RELN: variants seen among roughly 807,000 people sequenced by gnomAD.
The protein encoded by RELN is reelin.
Under a neutral mutation model 427.6 loss-of-function variants are expected in RELN, and 108 were observed. The observed-to-expected ratio is 0.25, with a 90% CI of 0.22 to 0.30. RELN has a LOEUF of 0.30. Ranked by LOEUF, RELN falls within the 10% of genes least tolerant of loss-of-function variation. The probability of loss-of-function intolerance (pLI) is 1.00; values close to 1 mark genes in which losing one functional copy is unlikely to be tolerated. For synonymous variants in RELN, 1,524 were observed against 1,513.4 expected, an observed-to-expected ratio of 1.01 and a Z score of -0.16; for missense variants, 3,715 against 4,302.8, an observed-to-expected ratio of 0.86 and a Z score of 3.82.
chr7:103,934,270 T>C (rs1419090021), intron 1 of RELN, among the ~76,000 whole-genome samples: 1 of 152,182 alleles, frequency 6.6e-6, no homozygotes, highest in East Asian at 1.9e-4. Context: ...AAAATCTCTT[T>C]TTTGTTTTTC....
At chr7:103,554,454 C>T (rs1451397211) in intron 38 of RELN, among the ~76,000 whole-genome samples, 1 of 150,160 alleles carries the variant, frequency 6.7e-6, no homozygotes, top group Non-Finnish European at 1.5e-5. Flanking sequence ...GCCTGTAGTC[C>T]CAGCTATTCA....
At position 103,988,024 on chromosome 7, in the gene RELN, G is replaced by A. The variant is rs1797140061; in HGVS notation, c.226+1107C>T. 6.6e-6 allele frequency among the ~76,000 whole-genome samples: 1 copy of A among 152,088 alleles called. No individual in the cohort carries two copies. Among genetic ancestry groups the A allele is most frequent in the African/African-American group, 2.4e-5 (1 of 41,394 alleles). On this transcript the variant is annotated intron_variant, in intron 1 of 64. Coordinates refer to ENST00000428762, the MANE Select transcript of RELN (RefSeq NM_005045.4). The surrounding 1 kb of genome is among the most constrained non-coding windows in gnomAD (Gnocchi z 4.9). Reference sequence around the variant, plus strand: ...TGTCTATCTTAAGTGCTAGCACCCCGTAGATTATCTCCCGCCATGCCAATG... The same window carrying A: ...TGTCTATCTTAAGTGCTAGCACCCCATAGATTATCTCCCGCCATGCCAATG...
chr7:103,541,293 C>T (rs1316303886), intron 43 of RELN, among the ~76,000 whole-genome samples: 1 of 152,134 alleles, frequency 6.6e-6, no homozygotes, highest in African/African-American at 2.4e-5. Flanking sequence ...GGTCTGGCCA[C>T]GATGCTAGCT....
chr7:103,860,006 A>C (rs1326599422), intron 2 of RELN, among the ~76,000 whole-genome samples: 2 of 152,172 alleles, frequency 1.3e-5, no homozygotes, highest in African/African-American at 4.8e-5. Flanking sequence ...TAAACCATTA[A>C]GCTCTATCCT....
intron 1 of RELN, among the ~76,000 whole-genome samples, chr7:103,950,134 G>A (rs997758353): frequency 9.9e-5 from 15 of 152,264 alleles, no homozygotes; most frequent in Non-Finnish European, 1.0e-4. Context: ...TAACATGATG[G>A]AAGGGCTAGT....
intron 2 of RELN, among the ~76,000 whole-genome samples, chr7:103,909,779 A>C: frequency 1.4e-5 from 1 of 73,396 alleles, no homozygotes; most frequent in East Asian, 3.1e-4. Flanking sequence ...TAATATATAT[A>C]AATATATATA....
intron 21 of RELN, among the ~76,000 whole-genome samples, chr7:103,611,240 T>A (rs969877339): frequency 6.6e-6 from 1 of 152,180 alleles, no homozygotes; most frequent in African/African-American, 2.4e-5. Flanking sequence ...AGACAAGAAA[T>A]ACCACATTCT....
At chr7:103,876,894 C>T (rs916370515) in intron 2 of RELN, among the ~76,000 whole-genome samples, 1 of 151,684 alleles carries the variant, frequency 6.6e-6, no homozygotes, top group Non-Finnish European at 1.5e-5. Flanking sequence ...TAGAGAAAAT[C>T]TAACTCAAGG....
rs141342243 is a variant in RELN at position 103,671,116 on chromosome 7, C to A, written c.1290-9589G>T. Among the ~76,000 whole-genome samples the A allele has an allele frequency of 8.2e-4, 125 of 152,218 alleles. 2 individuals are homozygous for A. The East Asian group carries it at 0.023, about 28-fold the overall frequency. The stretch of plus-strand genomic sequence containing the variant: ...ATGTGCCATAGGTGAAGACCTTCCA[C>A]ATTCATTTATATTCATGAGGTTTAT... On this transcript the variant is annotated intron_variant, in intron 11 of 64. Transcript: ENST00000428762.
At chr7:103,914,703 TG>T (rs1795446109) in intron 2 of RELN, among the ~76,000 whole-genome samples, 1 of 152,114 alleles carries the variant, frequency 6.6e-6, no homozygotes, top group Non-Finnish European at 1.5e-5. Context: ...TTAAACGACT[TG>T]GCTGAGGCAC....
At chr7:103,841,675 C>T (rs180779551) in intron 2 of RELN, among the ~76,000 whole-genome samples, 9 of 152,192 alleles carry the variant, frequency 5.9e-5, no homozygotes, top group East Asian at 3.9e-4. Context: ...GTCTTCAAAA[C>T]GGTAACTAGA....
chr7:103,936,332 A>G (rs555408288), intron 1 of RELN, among the ~76,000 whole-genome samples: 9 of 152,192 alleles, frequency 5.9e-5, no homozygotes, highest in Admixed American at 3.3e-4. Context: ...ACCTCAAGTG[A>G]TCTGCCTGTC....
intron 19 of RELN, among the ~76,000 whole-genome samples, chr7:103,633,059 T>A (rs1324185058): frequency 6.6e-6 from 1 of 152,120 alleles, no homozygotes; most frequent in Non-Finnish European, 1.5e-5. Flanking sequence ...ATTAAAAGAC[T>A]AACTTAGATA....
chr7:103,857,565 CCTT>C (rs1293005503), intron 2 of RELN, among the ~76,000 whole-genome samples: 3 of 152,204 alleles, frequency 2.0e-5, no homozygotes, highest in Non-Finnish European at 2.9e-5. Flanking sequence ...TGCGAATTCA[CCTT>C]CTAATTTGCA....
intron 5 of RELN, among the ~76,000 whole-genome samples, chr7:103,751,197 T>C (rs186767732): frequency 3.9e-5 from 6 of 152,348 alleles, no homozygotes; most frequent in Non-Finnish European, 7.3e-5. Flanking sequence ...AGACTGTCTT[T>C]TGGAAAAATT....
At chr7:103,767,467 C>A (rs1028256210) in intron 4 of RELN, among the ~76,000 whole-genome samples, 1 of 152,066 alleles carries the variant, frequency 6.6e-6, no homozygotes, top group African/African-American at 2.4e-5. Context: ...AGATAAGGAA[C>A]CTATAGTTAC....
At chr7:103,956,633 G>T (rs753033773) in intron 1 of RELN, among the ~76,000 whole-genome samples, 1 of 152,188 alleles carries the variant, frequency 6.6e-6, no homozygotes, top group African/African-American at 2.4e-5. Context: ...ATGTAAAAGT[G>T]TATAAGACTG....
chr7:103,616,669 CTTT>C (rs80056123), intron 20 of RELN, among the ~76,000 whole-genome samples: 1 of 151,886 alleles, frequency 6.6e-6, no homozygotes, highest in South Asian at 2.1e-4. Context: ...CACACACATA[CTTT>C]TTTTTAAAAA....
chr7:103,859,715 A>T (rs779236805), intron 2 of RELN, among the ~76,000 whole-genome samples: 37 of 152,224 alleles, frequency 2.4e-4, no homozygotes, highest in Non-Finnish European at 4.4e-4. Context: ...ATAGTGAAAC[A>T]ACTTTATGGC....
Sources: allele counts gnomAD v4.1 joint callset (sites outside exome capture counted in the v4.1 genomes callset), GRCh38; gene constraint gnomAD v4.1.1; non-coding constraint Gnocchi (gnomAD v3.1); transcripts MANE v1.5; gene names NCBI Gene and HGNC (gene_info 2026-07-23, HGNC 2026-07-21).